Variants in ACYP2 observed in about 807,000 individuals in gnomAD.
ACYP2 encodes acylphosphatase-2.
ACYP2 carries 12 observed loss-of-function variants against 11.2 expected under a neutral mutation model. That is an observed-to-expected ratio of 1.08 (90% CI 0.69 to 1.74). The LOEUF (loss-of-function observed/expected upper bound fraction) is 1.74. ACYP2 is among the 40% of genes most tolerant of loss of function. ACYP2 has a pLI of 0.00. For missense variants in ACYP2, 134 were observed against 101.9 expected, an observed-to-expected ratio of 1.31 and a Z score of -1.35; for synonymous variants, 43 against 32.2, an observed-to-expected ratio of 1.33 and a Z score of -1.13.
At chr2:54,116,580 G>A (rs932625469) in intron 4 of ACYP2, among the ~76,000 whole-genome samples, 4 of 148,286 alleles carry the variant, frequency 2.7e-5, no homozygotes, top group Non-Finnish European at 4.4e-5. Flanking sequence ...GTATGAATAA[G>A]TGTAATGCTT....
intron 4 of ACYP2, among the ~76,000 whole-genome samples, chr2:54,109,014 G>A (rs1558534173): frequency 6.6e-6 from 1 of 151,950 alleles, no homozygotes; most frequent in Non-Finnish European, 1.5e-5. Flanking sequence ...TCTTCTTTAT[G>A]CCAGTTCAGA....
intron 4 of ACYP2, among the ~76,000 whole-genome samples, chr2:54,087,386 C>A (rs1350805338): frequency 6.6e-6 from 1 of 152,064 alleles, no homozygotes; most frequent in Non-Finnish European, 1.5e-5. Flanking sequence ...TTCACTTTGT[C>A]ACTCAGGCTG....
intron 2 of ACYP2, among the ~76,000 whole-genome samples, chr2:54,003,010 T>C (rs759880003): frequency 6.7e-5 from 10 of 149,908 alleles, no homozygotes; most frequent in African/African-American, 1.8e-4. Context: ...TGCAGTGGCA[T>C]GATCTAGGCT....
intron 6 of ACYP2, among the ~76,000 whole-genome samples, chr2:54,283,080 T>C (rs1176854842): frequency 5.3e-5 from 8 of 152,230 alleles, no homozygotes. Flanking sequence ...TGCACAGTGG[T>C]GTTTTCAATT....
intron 4 of ACYP2, among the ~76,000 whole-genome samples, chr2:54,086,243 C>T (rs1427468247): frequency 1.3e-5 from 2 of 152,216 alleles, no homozygotes; most frequent in Admixed American, 6.5e-5. Context: ...GAGGGCCCGG[C>T]ACAGCCACTT....
intron 4 of ACYP2, among the ~76,000 whole-genome samples, chr2:54,079,413 G>C (rs1233093040): frequency 1.3e-5 from 2 of 152,206 alleles, no homozygotes; most frequent in African/African-American, 2.4e-5. Flanking sequence ...TCACATTAGT[G>C]ATGGGAGCTT....
intron 4 of ACYP2, among the ~76,000 whole-genome samples, chr2:54,063,970 A>G (rs1676605348): frequency 6.6e-6 from 1 of 152,124 alleles, no homozygotes; most frequent in African/African-American, 2.4e-5. Context: ...GGGGAGGCAA[A>G]GGTTTATAGG....
intron 6 of ACYP2, among the ~76,000 whole-genome samples, chr2:54,253,015 C>T (rs780768611): frequency 1.3e-5 from 2 of 152,132 alleles, no homozygotes; most frequent in African/African-American, 4.8e-5. Context: ...GAGTTCAAGA[C>T]CAGCCTGGCC....
intron 2 of ACYP2, among the ~76,000 whole-genome samples, chr2:53,998,025 T>C (rs763821223): frequency 3.3e-5 from 5 of 152,188 alleles, no homozygotes; most frequent in Non-Finnish European, 4.4e-5. Context: ...AAAACTTGTA[T>C]ACACGTGTAT....
chr2:54,111,452 C>A (rs1187317048), intron 4 of ACYP2, among the ~76,000 whole-genome samples: 1 of 151,842 alleles, frequency 6.6e-6, no homozygotes, highest in Non-Finnish European at 1.5e-5. Context: ...ACATATCCTT[C>A]TGACTTTTTA....
At chr2:53,984,343 C>T (rs1455948485) in intron 2 of ACYP2, among the ~76,000 whole-genome samples, 6 of 151,828 alleles carry the variant, frequency 4.0e-5, no homozygotes, top group African/African-American at 1.5e-4. Flanking sequence ...TTTGGGAGGC[C>T]GAGGCAGGTG....
intron 2 of ACYP2, among the ~76,000 whole-genome samples, chr2:54,023,153 A>G (rs896748257): frequency 6.6e-6 from 1 of 152,102 alleles, no homozygotes; most frequent in Non-Finnish European, 1.5e-5. Flanking sequence ...CCTTTCAAAG[A>G]ATTGTTGTTA....
At chr2:54,007,161 A>AAAG (rs1553352871) in intron 2 of ACYP2, among the ~76,000 whole-genome samples, 24 of 141,352 alleles carry the variant, frequency 1.7e-4, no homozygotes, top group Admixed American at 2.1e-4. Context: ...AAAAAAAAAA[A>AAAG]AAAGAAAGAA....
At chr2:54,104,983 C>A (rs930851229) in intron 4 of ACYP2, among the ~76,000 whole-genome samples, 2 of 152,124 alleles carry the variant, frequency 1.3e-5, no homozygotes, top group Non-Finnish European at 2.9e-5. Flanking sequence ...GTATTCCCTT[C>A]GAAGCCTACA....
chr2:54,105,520 C>A (rs1679110311), intron 4 of ACYP2, among the ~76,000 whole-genome samples: 1 of 151,572 alleles, frequency 6.6e-6, no homozygotes, highest in Non-Finnish European at 1.5e-5. Flanking sequence ...GTTTTATTGC[C>A]CAGGCTAGAG....
At chr2:54,228,149 G>T (rs1686087121) in intron 6 of ACYP2, among the ~76,000 whole-genome samples, 1 of 152,144 alleles carries the variant, frequency 6.6e-6, no homozygotes, top group South Asian at 2.1e-4. Context: ...CTTTCTTTGG[G>T]ACACATTTAC....
chr2:54,081,316 C>T (rs1677633653), intron 4 of ACYP2, among the ~76,000 whole-genome samples: 1 of 152,164 alleles, frequency 6.6e-6, no homozygotes, highest in Non-Finnish European at 1.5e-5. Flanking sequence ...TTATCAAGTA[C>T]AGTCCTGCAG....
intron 2 of ACYP2, among the ~76,000 whole-genome samples, chr2:54,014,567 C>T (rs1191730336): frequency 6.6e-6 from 1 of 152,120 alleles, no homozygotes; most frequent in African/African-American, 2.4e-5. Context: ...GTGATCCGCC[C>T]ACCTTGGCCT....
chr2:54,052,023 G>A (rs1427327411), intron 3 of ACYP2, among the ~76,000 whole-genome samples: 2 of 147,034 alleles, frequency 1.4e-5, no homozygotes, highest in African/African-American at 2.5e-5. Context: ...CTGGAGCCTG[G>A]GCGACAGAGC....
Sources: gnomAD v4.1 joint callset for allele counts (sites outside exome capture counted in the v4.1 genomes callset) on GRCh38, gnomAD v4.1.1 for gene constraint, MANE v1.5 for transcripts, NCBI Gene and HGNC (gene_info 2026-07-23, HGNC 2026-07-21) for gene names.